EYS: variants seen among roughly 807,000 people sequenced by gnomAD.
EYS encodes EGF-like photoreceptor maintenance factor.
In EYS, 250 loss-of-function variants were observed where a neutral mutation model predicts 282.1. The observed-to-expected ratio is 0.89, with a 90% CI of 0.80 to 0.98. The LOEUF is 0.98. Among genes scored for constraint, EYS ranks in the 50% least tolerant of loss-of-function variants. EYS has a pLI of 0.00. For synonymous variants in EYS, 1,355 were observed against 1,282.9 expected (o/e 1.06, Z -1.20); for missense variants, 4,016 against 3,709.0 (o/e 1.08, Z -2.15).
intron 29 of EYS, among the ~76,000 whole-genome samples, chr6:64,335,497 T>C (rs1284301109): frequency 6.6e-6 from 1 of 152,146 alleles, no homozygotes; most frequent in Admixed American, 6.6e-5. Flanking sequence ...CTTGCTTCTG[T>C]AACTCGCTTC....
chr6:64,399,217 A>G (rs1378044431), intron 28 of EYS, among the ~76,000 whole-genome samples: 1 of 151,790 alleles, frequency 6.6e-6, no homozygotes, highest in African/African-American at 2.4e-5. Flanking sequence ...ATAAAACAAT[A>G]TATATGAACT....
intron 28 of EYS, among the ~76,000 whole-genome samples, chr6:64,395,086 C>T (rs1203082807): frequency 6.6e-6 from 1 of 152,110 alleles, no homozygotes; most frequent in African/African-American, 2.4e-5. Flanking sequence ...GATGCGATAC[C>T]ATCTCACACC....
chr6:65,672,591 C>T (rs1314831060), intron 1 of EYS, among the ~76,000 whole-genome samples: 1 of 152,052 alleles, frequency 6.6e-6, no homozygotes, highest in Non-Finnish European at 1.5e-5. Context: ...TTGTAACCAA[C>T]AGTTGGGCAC....
At chr6:64,704,298 T>C (rs1057097893) in intron 22 of EYS, among the ~76,000 whole-genome samples, 1 of 148,142 alleles carries the variant, frequency 6.8e-6, no homozygotes, top group African/African-American at 2.5e-5. Flanking sequence ...TGTAATACTA[T>C]ATATTTATAT....
At chr6:65,074,943 C>T (rs116606658) in intron 12 of EYS, among the ~76,000 whole-genome samples, 2,781 of 151,976 alleles carry the variant, frequency 0.018, 30 homozygotes, top group South Asian at 0.024. Flanking sequence ...CTAAGAGTTT[C>T]GGTAATTTTT....
chr6:65,148,349 G>A (rs1764529002), intron 12 of EYS, among the ~76,000 whole-genome samples: 1 of 152,008 alleles, frequency 6.6e-6, no homozygotes, highest in South Asian at 2.1e-4. Flanking sequence ...AAAACAAAGG[G>A]GCTACAGGCC....
intron 26 of EYS, among the ~76,000 whole-genome samples, chr6:64,487,381 T>C (rs905756447): frequency 2.0e-5 from 3 of 151,142 alleles, no homozygotes; most frequent in Non-Finnish European, 4.5e-5. Context: ...GGTAATGATA[T>C]ATGCACTTTT....
At chr6:64,416,194 C>A (rs1023032954) in intron 28 of EYS, among the ~76,000 whole-genome samples, 1 of 152,140 alleles carries the variant, frequency 6.6e-6, no homozygotes, top group Admixed American at 6.6e-5. Flanking sequence ...CATAGCCTGG[C>A]TCAGTTCCTG....
At chr6:64,688,471 T>G (rs544896199) in intron 22 of EYS, among the ~76,000 whole-genome samples, 11 of 152,318 alleles carry the variant, frequency 7.2e-5, no homozygotes, top group Non-Finnish European at 1.2e-4. Context: ...CTGCCTTCAT[T>G]TTGTTATGTA....
At chr6:65,116,681 A>C (rs1282090132) in intron 12 of EYS, among the ~76,000 whole-genome samples, 3 of 152,148 alleles carry the variant, frequency 2.0e-5, no homozygotes, top group African/African-American at 7.2e-5. Context: ...TTAAATAACA[A>C]TTCTATGAAA....
chr6:64,329,746 T>C lies in EYS; in HGVS notation c.6079-22664A>G, dbSNP rs573171454. Among the ~76,000 whole-genome samples the C allele has an allele frequency of 7.9e-5, 12 of 152,200 alleles. 1 individual carries two copies. The East Asian group carries it at 1.9e-3, about 25-fold the overall frequency. The stretch of plus-strand genomic sequence containing the variant: ...TGTGCCTCTTCTTGGAACACTCCAT[T>C]GCTACCGGTGTTAAAGCCCCCCGGA... On this transcript the variant is annotated intron_variant, in intron 29 of 42. Coordinates refer to ENST00000503581, the MANE Select transcript of EYS (RefSeq NM_001142800.2).
chr6:64,305,921 A>G (rs1011082280), intron 30 of EYS, among the ~76,000 whole-genome samples: 3 of 152,206 alleles, frequency 2.0e-5, no homozygotes, highest in Admixed American at 6.6e-5. Context: ...GCATCAAAAT[A>G]TATTAACAGA....
chr6:64,960,780 C>T (rs374885794), intron 14 of EYS, among the ~76,000 whole-genome samples: 1 of 152,058 alleles, frequency 6.6e-6, no homozygotes. Flanking sequence ...AGTTATTTTT[C>T]CTGATCCTCT....
intron 26 of EYS, among the ~76,000 whole-genome samples, chr6:64,478,449 T>C (rs1477293538): frequency 6.6e-6 from 1 of 151,510 alleles, no homozygotes; most frequent in Non-Finnish European, 1.5e-5. Flanking sequence ...TATTTCTATA[T>C]TTAAAAGCTC....
chr6:64,808,126 T>C (rs1764493753), intron 22 of EYS, among the ~76,000 whole-genome samples: 1 of 150,732 alleles, frequency 6.6e-6, no homozygotes, highest in Admixed American at 6.6e-5. Context: ...TTCCTTCCCT[T>C]CCCTTCCCTT....
At chr6:63,773,284 G>T (rs1205837325) in intron 40 of EYS, among the ~76,000 whole-genome samples, 1 of 152,086 alleles carries the variant, frequency 6.6e-6, no homozygotes, top group Non-Finnish European at 1.5e-5. Flanking sequence ...ATCTCTAAAA[G>T]ACAGAGTTAA....
chr6:63,737,148 G>T (rs1768936514), intron 41 of EYS, among the ~76,000 whole-genome samples: 1 of 151,752 alleles, frequency 6.6e-6, no homozygotes, highest in Non-Finnish European at 1.5e-5. Context: ...GTGAGAGAGG[G>T]CATCCCTGTC....
Position 65,316,867 on chromosome 6 carries a change from T to G in EYS, c.1766+18113A>C, listed in dbSNP as rs1231787644. Among the ~76,000 whole-genome samples the G allele has an allele frequency of 2.6e-5, 4 of 152,314 alleles. No homozygotes were observed. In the East Asian group the frequency reaches 5.8e-4, roughly 22 times the overall value. ...TTGTATATGTGCCACATTTTCTTTA[T>G]CCAGTCTATCACTGATGGGCACTTG... is the stretch of plus-strand genomic sequence containing the variant. On this transcript the variant is annotated intron_variant, in intron 11 of 42. Coordinates refer to ENST00000503581, the MANE Select transcript of EYS (RefSeq NM_001142800.2).
chr6:64,326,398 T>G (rs1426300238), intron 29 of EYS, among the ~76,000 whole-genome samples: 1 of 152,178 alleles, frequency 6.6e-6, no homozygotes, highest in Non-Finnish European at 1.5e-5. Context: ...TCTCTCAAGA[T>G]GTAAGAAATG....
Sources: gnomAD v4.1 joint callset for allele counts (sites outside exome capture counted in the v4.1 genomes callset) on GRCh38, gnomAD v4.1.1 for gene constraint, MANE v1.5 for transcripts, NCBI Gene and HGNC (gene_info 2026-07-23, HGNC 2026-07-21) for gene names.